The following OSBPL11 variants were observed in gnomAD, a reference collection of about 807,000 sequenced individuals.
The protein encoded by OSBPL11 is oxysterol-binding protein-related protein 11.
A neutral mutation model predicts 84.4 loss-of-function variants in OSBPL11; 33 were observed. The observed-to-expected ratio is 0.39, with a 90% CI of 0.30 to 0.52. The LOEUF (loss-of-function observed/expected upper bound fraction) is 0.52, where lower values mean the gene tolerates loss of function less well. Ranked by LOEUF, OSBPL11 falls within the 20% of genes least tolerant of loss-of-function variation. OSBPL11 has a pLI of 0.72. For missense variants in OSBPL11, 736 were observed against 901.1 expected (o/e 0.82, Z 2.35); for synonymous variants, 276 against 310.2 (o/e 0.89, Z 1.16).
At position 125,538,625 on chromosome 3, in the gene OSBPL11, G is replaced by A. The variant is rs750640253; in HGVS notation, c.1850C>T (p.Ala617Val). 1 of 1,605,836 alleles carries A rather than the reference G, an allele frequency of 6.2e-7. No individual in the cohort carries two copies. The highest frequency in any genetic ancestry group is 1.1e-5 in the South Asian group (1 of 89,598). The change falls in exon 11 of 13, where the codon GCT (alanine) becomes GTT (valine). Residue 617 changes from alanine to valine, a missense_variant. By Grantham distance (64) the Ala-to-Val change is moderately conservative (BLOSUM62 0). Around this residue, in one of 3 missense-constraint regions of OSBPL11, gnomAD observed 579 missense variants for 717.6 expected, o/e 0.81. Coordinates refer to ENST00000296220, the MANE Select transcript of OSBPL11 (RefSeq NM_022776.5). ...FYGGKLHRVT[A>V]EVKHNITNTV... ...GTTGGTGATGTTGTGCTTTACTTCA[G>A]CTGTAACCCTAGAAGCAGACAGAAA... is the stretch of plus-strand genomic sequence containing the variant.
At chr3:125,577,384 T>C (rs1936341159) in intron 4 of OSBPL11, among the ~76,000 whole-genome samples, 1 of 152,122 alleles carries the variant, frequency 6.6e-6, no homozygotes, top group Non-Finnish European at 1.5e-5. Context: ...TACAAATGAC[T>C]AACCAATAAG....
rs569304602 is a variant in OSBPL11 at position 125,547,980 on chromosome 3, G to C, written c.1655-388C>G. On this transcript the variant is annotated intron_variant, in intron 9 of 12. Transcript: ENST00000296220. The stretch of plus-strand genomic sequence containing the variant: ...GCAACCTCCGACTCCTGGGTCGAAT[G>C]ATTCTCCTGCCTCAGCCTCCCAAGT... 2.6e-5 allele frequency among the ~76,000 whole-genome samples: 4 copies of C among 152,196 alleles called. No homozygotes were observed. The South Asian group carries it at 8.3e-4, about 32-fold the overall frequency.
intron 10 of OSBPL11, among the ~76,000 whole-genome samples, chr3:125,546,254 A>C (rs1580041548): frequency 6.6e-6 from 1 of 150,520 alleles, no homozygotes; most frequent in South Asian, 2.1e-4. Context: ...GCTCATTGCA[A>C]CCTCTGCCTC....
chr3:125,534,110 T>C (rs1404274838), intron 11 of OSBPL11, among the ~76,000 whole-genome samples: 1 of 152,106 alleles, frequency 6.6e-6, no homozygotes, highest in East Asian at 1.9e-4. Context: ...AGGCCAGGTG[T>C]GGTGGCTCAT....
chr3:125,583,445 G>A (rs147914237), intron 1 of OSBPL11, among the ~76,000 whole-genome samples: 51 of 151,760 alleles, frequency 3.4e-4, no homozygotes, highest in African/African-American at 1.2e-3. Flanking sequence ...ATCGGGCGTG[G>A]TGGTGTGTGC....
chr3:125,538,660 T>G, intron 10 of OSBPL11, 27 bp from the exon 11 acceptor site: 4 of 1,578,864 alleles, frequency 2.5e-6, no homozygotes, highest in Non-Finnish European at 3.4e-6. Context: ...AAGAAAGATA[T>G]GCTCTAATAA....
chr3:125,541,074 A>G (rs552180954), intron 10 of OSBPL11, among the ~76,000 whole-genome samples: 1 of 152,234 alleles, frequency 6.6e-6, no homozygotes, highest in East Asian at 1.9e-4. Flanking sequence ...GCAGACAGAA[A>G]CAAGTACATG....
chr3:125,554,763 T>C (rs1935965228), intron 8 of OSBPL11, among the ~76,000 whole-genome samples: 1 of 145,168 alleles, frequency 6.9e-6, no homozygotes, highest in South Asian at 2.2e-4. Context: ...AAAAGAAGAG[T>C]TAAAAGATAA....
chr3:125,594,932 G>T lies in OSBPL11; in HGVS notation c.-132C>A. ...CTAAATCACACGGCGGCTGGGGCGG[G>T]ACTGTCAAATGGTCCAGAAAAGGAA... is the stretch of plus-strand genomic sequence containing the variant. On this transcript the variant is annotated 5_prime_UTR_variant, in exon 1 of 13. Coordinates refer to ENST00000296220, the MANE Select transcript of OSBPL11 (RefSeq NM_022776.5). 2.0e-6 allele frequency: 2 copies of T among 992,812 alleles called. No homozygotes were observed. The highest frequency in any genetic ancestry group is 2.9e-6 in the Non-Finnish European group (2 of 685,370). The allele number at this position is 992,812 out of a possible 1,614,324, so 61.5% of individuals were successfully genotyped here.
intron 11 of OSBPL11, among the ~76,000 whole-genome samples, chr3:125,533,215 C>T (rs1935588783): frequency 6.8e-6 from 1 of 146,468 alleles, no homozygotes; most frequent in Admixed American, 6.9e-5. Flanking sequence ...CTTCTCTCTC[C>T]CTCCCTCCCT....
intron 6 of OSBPL11, among the ~76,000 whole-genome samples, chr3:125,566,295 C>T (rs1055984614): frequency 5.3e-5 from 8 of 152,060 alleles, no homozygotes; most frequent in South Asian, 4.1e-4. Context: ...TGTGAGCCAC[C>T]GTGCCTGGCC....
intron 12 of OSBPL11, among the ~76,000 whole-genome samples, chr3:125,531,436 C>A (rs1935554181): frequency 1.3e-5 from 2 of 151,764 alleles, no homozygotes; most frequent in Non-Finnish European, 2.9e-5. Flanking sequence ...GGATTACAGG[C>A]ATGTACCACC....
chr3:125,568,223 A>G (rs1936190277), intron 5 of OSBPL11, among the ~76,000 whole-genome samples: 1 of 152,002 alleles, frequency 6.6e-6, no homozygotes, highest in African/African-American at 2.4e-5. Context: ...CGAGGTCAGG[A>G]GATCGAGACC....
At chr3:125,538,667 A>G (rs72979711) in intron 10 of OSBPL11, 34 bp from the exon 11 acceptor site, 72,286 of 1,552,034 alleles carry the variant, frequency 0.047, 5,128 homozygotes, top group African/African-American at 0.32. Flanking sequence ...ATATGCTCTA[A>G]TAAGTGATAT....
At chr3:125,575,517 C>T (rs752489710) in intron 5 of OSBPL11, among the ~76,000 whole-genome samples, 17 of 149,254 alleles carry the variant, frequency 1.1e-4, no homozygotes, top group African/African-American at 1.5e-4. Flanking sequence ...TAAGACACCG[C>T]GACCTACCAC....
At chr3:125,560,258 T>C in intron 8 of OSBPL11, 121 bp downstream of exon 8, 1 of 948,070 alleles carries the variant, frequency 1.1e-6, no homozygotes, top group Non-Finnish European at 1.4e-6. Flanking sequence ...CAAAACTCCA[T>C]CTCAAAAAAA....
chr3:125,573,479 A>G (rs535543229), intron 5 of OSBPL11, among the ~76,000 whole-genome samples: 1 of 152,354 alleles, frequency 6.6e-6, no homozygotes, highest in Admixed American at 6.5e-5. Context: ...ACTAATAAGA[A>G]AGAGTAAATA....
In OSBPL11 at chr3:125,538,601, T is replaced by C; in HGVS notation, c.1874A>G (p.Asn625Ser). 6.2e-7 allele frequency: 1 copy of C among 1,612,076 alleles called. No individual in the cohort carries two copies. The highest frequency in any genetic ancestry group is 1.1e-5 in the South Asian group (1 of 90,620). Reference protein sequence around the residue: ...VTAEVKHNITNTVVCRVQGEW... With the variant: ...VTAEVKHNITSTVVCRVQGEW... ...CCCTTGCACTCTGCATACCACAGTG[T>C]TGGTGATGTTGTGCTTTACTTCAGC... The change falls in exon 11 of 13, where the codon AAC (asparagine) becomes AGC (serine). Residue 625 changes from asparagine (N) to serine (S), a missense_variant. This residue lies in a region of OSBPL11 where 579 missense variants were observed against 717.6 expected (regional missense o/e 0.81). Transcript: ENST00000296220.
At chr3:125,581,280 T>A (rs938427118) in intron 2 of OSBPL11, among the ~76,000 whole-genome samples, 1 of 151,940 alleles carries the variant, frequency 6.6e-6, no homozygotes, top group Admixed American at 6.6e-5. Context: ...TTCGTAGAGA[T>A]GGAGTTTTGC....
Sources: gnomAD v4.1 joint callset for allele counts (sites outside exome capture counted in the v4.1 genomes callset) on GRCh38, gnomAD v4.1.1 for gene constraint, gnomAD v4.1.1 regional missense constraint, MANE v1.5 for transcripts, NCBI Gene and HGNC (gene_info 2026-07-23, HGNC 2026-07-21) for gene names.